Variants in PARD6G observed in about 807,000 individuals in gnomAD.
PARD6G encodes par-6 family cell polarity regulator gamma, also known as partitioning defective 6 homolog gamma.
In PARD6G, 7 loss-of-function variants were observed where a neutral mutation model predicts 10.7. The ratio of observed to expected loss-of-function variants is 0.66; its 90% CI spans 0.37 to 1.23. The LOEUF (loss-of-function observed/expected upper bound fraction) is 1.23. Among genes scored for constraint, PARD6G ranks in the 50% most tolerant of loss-of-function variants. The pLI is 0.02. For missense variants in PARD6G, 548 were observed against 571.8 expected (o/e 0.96, Z 0.42); for synonymous variants, 287 against 269.4 (o/e 1.07, Z -0.64).
intron 1 of PARD6G, among the ~76,000 whole-genome samples, chr18:80,232,659 G>C (rs1478632796): frequency 9.5e-6 from 1 of 104,744 alleles, no homozygotes; most frequent in Non-Finnish European, 1.9e-5. Flanking sequence ...GGAGTTATGA[G>C]AGTACAATTC....
chr18:80,160,022 C>A lies in PARD6G; in HGVS notation c.880G>T (p.Glu294Ter). Residue 294 changes from glutamate (E) to a stop codon, truncating the protein, a stop_gained, in exon 3 of 3, where the codon GAG becomes TAG. Transcript: ENST00000353265. LOFTEE classifies it low-confidence loss of function (END_TRUNC). ...VLQNFHPDEA[E>*]SDEDNDVVIE... is the part of the protein sequence containing the mutation. ...ACGACGTCGTTGTCCTCATCGCTCT[C>A]CGCCTCGTCGGGGTGGAAGTTCTGC... 1 of 1,534,702 alleles carries A rather than the reference C, an allele frequency of 6.5e-7. No homozygotes were observed.
chr18:80,167,845 G>T (rs1182134746), intron 2 of PARD6G, among the ~76,000 whole-genome samples: 1 of 152,126 alleles, frequency 6.6e-6, no homozygotes, highest in Non-Finnish European at 1.5e-5. Context: ...GGACACTCAG[G>T]TGAGGTTGAT....
At chr18:80,203,528 G>A (rs942734742) in intron 1 of PARD6G, among the ~76,000 whole-genome samples, 1 of 152,090 alleles carries the variant, frequency 6.6e-6, no homozygotes, top group Middle Eastern at 3.2e-3. Context: ...AGGATAGGAC[G>A]GGCTGTGTAG....
At chr18:80,190,204 G>C (rs1703342813) in intron 2 of PARD6G, among the ~76,000 whole-genome samples, 1 of 152,050 alleles carries the variant, frequency 6.6e-6, no homozygotes, top group African/African-American at 2.4e-5. Context: ...TCAAGAGCCT[G>C]GATTTTAAAA....
chr18:80,157,737 G>GC lies in PARD6G; in HGVS notation c.*2033dup, dbSNP rs1226470862. 3 of 152,174 alleles carry GC rather than the reference G, an allele frequency of 2.0e-5. No individual in the cohort carries two copies. Among genetic ancestry groups the GC allele is most frequent in the African/African-American group, 7.2e-5 (3 of 41,426 alleles). The allele number at this position is 152,174 out of a possible 1,614,324, so 9.4% of individuals were successfully genotyped here. A position where few individuals can be genotyped will look rare whatever the true frequency, so the allele number is the denominator to read the frequency against. On this transcript the variant is annotated 3_prime_UTR_variant, in exon 3 of 3. Transcript: ENST00000353265. Reference sequence around the variant, plus strand: ...GTCTTCTCTTGCTTAGGAACAAAGGGCCAGCAATCCATTGCATACAAATAA... The same window carrying GC: ...GTCTTCTCTTGCTTAGGAACAAAGGGCCCAGCAATCCATTGCATACAAATAA...
intron 1 of PARD6G, among the ~76,000 whole-genome samples, chr18:80,222,585 T>C (rs1399383196): frequency 1.3e-5 from 2 of 152,062 alleles, no homozygotes; most frequent in Admixed American, 1.3e-4. Context: ...TTTCAAAACT[T>C]ACACATAGTA....
At chr18:80,194,306 C>T (rs193274467) in intron 2 of PARD6G, among the ~76,000 whole-genome samples, 5 of 152,254 alleles carry the variant, frequency 3.3e-5, no homozygotes, top group Admixed American at 1.3e-4. Context: ...ACCTCTGCAT[C>T]CTCTACGTAA....
At chr18:80,169,640 G>A (rs1372690516) in intron 2 of PARD6G, 1 of 152,184 alleles carries the variant, frequency 6.6e-6, no homozygotes, top group Non-Finnish European at 1.5e-5. Flanking sequence ...CAAACCGCTC[G>A]CTTCACTGCT....
rs1048706060 is a variant in PARD6G at position 80,188,102 on chromosome 18, A to G, written c.295+14608T>C. On this transcript the variant is annotated intron_variant, in intron 2 of 2. Coordinates refer to ENST00000353265, the MANE Select transcript of PARD6G (RefSeq NM_032510.4). The surrounding 1 kb of genome is among the most constrained non-coding windows in gnomAD (Gnocchi z 5.4). ...TGTTACGTGGCGCGCGACCGTGCTC[A>G]ATATTAGAAGTAAGATGCCTTGGAC... Among the ~76,000 whole-genome samples the G allele has an allele frequency of 2.0e-5, 3 of 152,348 alleles. No individual in the cohort carries two copies. Among genetic ancestry groups the G allele is most frequent in the East Asian group, 3.9e-4 (2 of 5,188 alleles).
At chr18:80,204,820 A>G (rs1967040479) in intron 1 of PARD6G, among the ~76,000 whole-genome samples, 1 of 152,074 alleles carries the variant, frequency 6.6e-6, no homozygotes, top group South Asian at 2.1e-4. Flanking sequence ...GCATGGTGGC[A>G]CACACCAGTA....
At chr18:80,242,448 C>T (rs569506399) in intron 1 of PARD6G, among the ~76,000 whole-genome samples, 3 of 152,354 alleles carry the variant, frequency 2.0e-5, no homozygotes, top group African/African-American at 4.8e-5. Context: ...TGGCAGCCAA[C>T]GGCCTCAGCC....
intron 1 of PARD6G, among the ~76,000 whole-genome samples, chr18:80,222,067 T>A: frequency 6.6e-6 from 1 of 151,984 alleles, no homozygotes; most frequent in East Asian, 1.9e-4. Context: ...GCTCATGGAT[T>A]AGAAAACTTA....
chr18:80,208,096 TCA>T (rs1967071518), intron 1 of PARD6G, among the ~76,000 whole-genome samples: 1 of 152,162 alleles, frequency 6.6e-6, no homozygotes, highest in South Asian at 2.1e-4. Context: ...CTGTATCAAA[TCA>T]CTGCAGCATT....
chr18:80,202,698 C>T lies in PARD6G; in HGVS notation c.295+12G>A. The T allele has an allele frequency of 1.2e-6, 2 of 1,609,130 alleles. No individual in the cohort carries two copies. The highest frequency in any genetic ancestry group is 1.7e-6 in the Non-Finnish European group (2 of 1,177,116). On this transcript the variant is annotated intron_variant, in intron 2 of 2. Coordinates refer to ENST00000353265, the MANE Select transcript of PARD6G (RefSeq NM_032510.4). The stretch of plus-strand genomic sequence containing the variant: ...TCAACAAGACCAGCCGGCCACTCAA[C>T]CACTTCAGTACCTCGTTTCTGGATG...
At chr18:80,191,371 C>T (rs1424825841) in intron 2 of PARD6G, among the ~76,000 whole-genome samples, 5 of 152,014 alleles carry the variant, frequency 3.3e-5, no homozygotes, top group African/African-American at 1.2e-4. Flanking sequence ...TCTTTTTTTC[C>T]TCTGCTCTGT....
chr18:80,193,505 G>A (rs1295391307), intron 2 of PARD6G, among the ~76,000 whole-genome samples: 1 of 152,188 alleles, frequency 6.6e-6, no homozygotes, highest in Non-Finnish European at 1.5e-5. Context: ...AATACAAAAT[G>A]CTTTAATGGG....
In PARD6G at chr18:80,201,526, T is replaced by C. The variant is rs1464636762; in HGVS notation, c.295+1184A>G. 6.6e-6 allele frequency among the ~76,000 whole-genome samples: 1 copy of C among 152,328 alleles called. No individual in the cohort carries two copies. The highest frequency in any genetic ancestry group is 2.4e-5 in the African/African-American group (1 of 41,582). ...GTGAGGAAGTGACAGCTGTGTTGAC[T>C]TCTCAGCACCGTCAGCAGGATACCC... On this transcript the variant is annotated intron_variant, in intron 2 of 2. Transcript: ENST00000353265. The surrounding 1 kb of genome is among the most constrained non-coding windows in gnomAD (Gnocchi z 5.9).
chr18:80,160,099 G>C lies in PARD6G; in HGVS notation c.803C>G (p.Pro268Arg), dbSNP rs775485963. The stretch of plus-strand genomic sequence containing the variant: ...GAAGCCCGCGGTGCCGTCCGAGGGC[G>C]GTCCCGAGCTGCCCAACGCGCGGCC... Reference protein sequence around the residue: ...RGGRALGSSGPPSDGTAGFVG... With the variant: ...RGGRALGSSGRPSDGTAGFVG... The change falls in exon 3 of 3, where the codon CCG (proline) becomes CGG (arginine). Residue 268 changes from proline to arginine, a missense_variant. By Grantham distance (103) the Pro-to-Arg change is moderately radical. Around this residue, in one of 2 missense-constraint regions of PARD6G, gnomAD observed 313 missense variants for 279.9 expected, o/e 1.12. Transcript: ENST00000353265. 1.9e-6 allele frequency: 3 copies of C among 1,604,904 alleles called. No homozygotes were observed. Among genetic ancestry groups the C allele is most frequent in the Non-Finnish European group, 2.6e-6 (3 of 1,176,042 alleles).
Position 80,157,788 on chromosome 18 carries a change from C to G in PARD6G, c.*1983G>C, listed in dbSNP as rs2052665443. On this transcript the variant is annotated 3_prime_UTR_variant, in exon 3 of 3. Coordinates refer to ENST00000353265, the MANE Select transcript of PARD6G (RefSeq NM_032510.4). ...CATCAAACACAGGTGCAGGAATTCA[C>G]AACTCCTCAGCAAAAGCTATTTCTT... 1 of 152,238 alleles carries G rather than the reference C, an allele frequency of 6.6e-6. No homozygotes were observed. The allele number at this position is 152,238 out of a possible 1,614,324, so 9.4% of individuals were successfully genotyped here. A position where few individuals can be genotyped will look rare whatever the true frequency, so the allele number is the denominator to read the frequency against.
Sources: allele counts gnomAD v4.1 joint callset (sites outside exome capture counted in the v4.1 genomes callset), GRCh38; gene constraint gnomAD v4.1.1; regional missense constraint gnomAD v4.1.1; non-coding constraint Gnocchi (gnomAD v3.1); transcripts MANE v1.5; gene names NCBI Gene and HGNC (gene_info 2026-07-23, HGNC 2026-07-21).